UMAD1: variants seen among roughly 807,000 people sequenced by gnomAD.
The protein encoded by UMAD1 is UBAP1-MVB12-associated (UMA) domain containing 1, also known as UBAP1-MVB12-associated (UMA)-domain containing protein 1.
In UMAD1, 8 loss-of-function variants were observed where a neutral mutation model predicts 6.1. The ratio of observed to expected loss-of-function variants is 1.30; its 90% CI spans 0.76 to 2.35. The LOEUF is 2.35. UMAD1 is among the 30% of genes most tolerant of loss of function. The pLI, the probability that UMAD1 is intolerant of heterozygous loss-of-function variation, is 0.00. For synonymous variants in UMAD1, 56 were observed against 31.4 expected, an observed-to-expected ratio of 1.78 and a Z score of -2.61; for missense variants, 130 against 78.4, an observed-to-expected ratio of 1.66 and a Z score of -2.49.
rs181570912 is a variant in UMAD1 at position 7,766,803 on chromosome 7, A to G, written c.83-34867A>G. 3.3e-3 allele frequency among the ~76,000 whole-genome samples: 502 copies of G among 152,318 alleles called. 3 individuals are homozygous for G. Among genetic ancestry groups the G allele is most frequent in the African/African-American group, 0.011 (460 of 41,568 alleles). The stretch of plus-strand genomic sequence containing the variant: ...AGATTTGGACAATTCATTTTAAACC[A>G]TATTATTCATTTATTTTGAAATATT... On this transcript the variant is annotated intron_variant, in intron 2 of 3. Coordinates refer to ENST00000682710, the MANE Select transcript of UMAD1 (RefSeq NM_001302348.2).
chr7:7,649,158 C>CAAA (rs34943326), intron 1 of UMAD1, among the ~76,000 whole-genome samples: 2,338 of 128,536 alleles, frequency 0.018, 44 homozygotes, highest in Non-Finnish European at 0.029. Flanking sequence ...GACTCCATCT[C>CAAA]AAAAAAAAAA....
intron 2 of UMAD1, among the ~76,000 whole-genome samples, chr7:7,713,017 A>G (rs1358676901): frequency 6.6e-6 from 1 of 152,056 alleles, no homozygotes; most frequent in Admixed American, 6.6e-5. Context: ...ATTTGGTAAG[A>G]TATTTTTCTA....
rs111619593 is a variant in UMAD1 at position 7,813,993 on chromosome 7, T to TA, written c.156+12250_156+12251insA. On this transcript the variant is annotated intron_variant, in intron 3 of 3. Coordinates refer to ENST00000682710, the MANE Select transcript of UMAD1 (RefSeq NM_001302348.2). ...AATTTCATATTGCTTTTTATTTATT[T>TA]TTTTTTTTTGAGACGGAGTCTCGCT... Among the ~76,000 whole-genome samples, 170 of 152,170 alleles carry TA rather than the reference T, an allele frequency of 1.1e-3. No individual in the cohort carries two copies. In the Middle Eastern group the frequency reaches 0.017, roughly 15 times the overall value.
At chr7:7,678,071 ATATGCTGATTTCTTCTTTTGGG>A (rs1315679045) in intron 2 of UMAD1, among the ~76,000 whole-genome samples, 1 of 152,050 alleles carries the variant, frequency 6.6e-6, no homozygotes, top group Non-Finnish European at 1.5e-5. Context: ...CGTCTCTTTG[ATATGCTGATTTCTTCTTTTGGG>A]TATGTACCCA....
At chr7:7,761,284 G>A (rs1425214957) in intron 2 of UMAD1, among the ~76,000 whole-genome samples, 1 of 146,850 alleles carries the variant, frequency 6.8e-6, no homozygotes, top group African/African-American at 2.5e-5. Context: ...AGACTCACCA[G>A]AGTCCAGGAG....
chr7:7,793,572 G>A (rs973087795), intron 2 of UMAD1, among the ~76,000 whole-genome samples: 1 of 152,158 alleles, frequency 6.6e-6, no homozygotes, highest in Non-Finnish European at 1.5e-5. Flanking sequence ...TCTTCAAGGT[G>A]CCTGGCTATC....
intron 3 of UMAD1, among the ~76,000 whole-genome samples, chr7:7,868,177 A>C (rs1784267576): frequency 6.6e-6 from 1 of 152,222 alleles, no homozygotes; most frequent in Non-Finnish European, 1.5e-5. Flanking sequence ...TCTATAAAGC[A>C]ACTTTAAAAC....
At chr7:7,763,746 A>G (rs1041755180) in intron 2 of UMAD1, among the ~76,000 whole-genome samples, 2 of 152,176 alleles carry the variant, frequency 1.3e-5, no homozygotes, top group East Asian at 1.9e-4. Context: ...AAAATAGTAG[A>G]GTGATTTATG....
chr7:7,857,212 T>C (rs1784034357), intron 3 of UMAD1, among the ~76,000 whole-genome samples: 1 of 152,236 alleles, frequency 6.6e-6, no homozygotes, highest in South Asian at 2.1e-4. Context: ...GCTGATGATG[T>C]ACTTCCCCTT....
chr7:7,644,392 G>C (rs1223598585), intron 1 of UMAD1, among the ~76,000 whole-genome samples: 2 of 142,430 alleles, frequency 1.4e-5, no homozygotes, highest in East Asian at 4.0e-4. Flanking sequence ...TTTTAATATA[G>C]TTAAACATTT....
At chr7:7,688,488 C>T (rs1288883054) in intron 2 of UMAD1, among the ~76,000 whole-genome samples, 2 of 152,138 alleles carry the variant, frequency 1.3e-5, no homozygotes, top group African/African-American at 4.8e-5. Context: ...TTGCCCTCAG[C>T]CCCGTGTTTC....
At chr7:7,775,657 A>T (rs75210994) in intron 2 of UMAD1, among the ~76,000 whole-genome samples, 309 of 152,286 alleles carry the variant, frequency 2.0e-3, no homozygotes, top group African/African-American at 7.0e-3. Flanking sequence ...ACCATACCAA[A>T]TGTTGATGAG....
intron 3 of UMAD1, among the ~76,000 whole-genome samples, chr7:7,862,321 C>T (rs758217961): frequency 5.3e-5 from 8 of 152,048 alleles, no homozygotes; most frequent in Non-Finnish European, 1.2e-4. Context: ...TTATGTTTCA[C>T]TGAAATGAGT....
At chr7:7,754,904 C>T (rs530964819) in intron 2 of UMAD1, among the ~76,000 whole-genome samples, 1 of 152,172 alleles carries the variant, frequency 6.6e-6, no homozygotes, top group Non-Finnish European at 1.5e-5. Flanking sequence ...GATTGCACAT[C>T]TTTTCGCAGC....
In UMAD1 at chr7:7,693,201, A is replaced by G. The variant is rs191346622; in HGVS notation, c.82+19748A>G. 1.1e-4 allele frequency among the ~76,000 whole-genome samples: 16 copies of G among 152,262 alleles called. No homozygotes were observed. The East Asian group carries it at 2.7e-3, about 26-fold the overall frequency. On this transcript the variant is annotated intron_variant, in intron 2 of 3. Coordinates refer to ENST00000682710, the MANE Select transcript of UMAD1 (RefSeq NM_001302348.2). Reference sequence around the variant, plus strand: ...TCTAAAAGCAGAAGTACATTTTACTATTACTACTGAAATTGTACTGTGCTT... The same window carrying G: ...TCTAAAAGCAGAAGTACATTTTACTGTTACTACTGAAATTGTACTGTGCTT...
chr7:7,695,432 T>C (rs976163786), intron 2 of UMAD1, among the ~76,000 whole-genome samples: 2 of 151,586 alleles, frequency 1.3e-5, no homozygotes, highest in African/African-American at 4.8e-5. Flanking sequence ...CTAGACATAA[T>C]ACGTTGATTT....
chr7:7,806,393 A>C (rs1782914417), intron 3 of UMAD1, among the ~76,000 whole-genome samples: 1 of 152,120 alleles, frequency 6.6e-6, no homozygotes, highest in Non-Finnish European at 1.5e-5. Context: ...CTTAATGCTT[A>C]GATTGTCTTT....
chr7:7,655,173 CT>C (rs1189576711), intron 1 of UMAD1, among the ~76,000 whole-genome samples: 1 of 152,062 alleles, frequency 6.6e-6, no homozygotes, highest in African/African-American at 2.4e-5. Context: ...AATGATGCCT[CT>C]GGCCTGCTCT....
intron 2 of UMAD1, among the ~76,000 whole-genome samples, chr7:7,785,407 G>T (rs1782441764): frequency 6.6e-6 from 1 of 152,196 alleles, no homozygotes; most frequent in Admixed American, 6.5e-5. Flanking sequence ...TATGATTGGA[G>T]TGTAGAGTTG....
Sources: allele counts gnomAD v4.1 joint callset (sites outside exome capture counted in the v4.1 genomes callset), GRCh38; gene constraint gnomAD v4.1.1; transcripts MANE v1.5; gene names NCBI Gene and HGNC (gene_info 2026-07-23, HGNC 2026-07-21).